The following HMCN1 variants were observed in gnomAD, a reference collection of about 807,000 sequenced individuals.
The protein encoded by HMCN1 is hemicentin 1.
In HMCN1, 321 loss-of-function variants were observed where a neutral mutation model predicts 625.9. That is an observed-to-expected ratio of 0.51 (90% CI 0.47 to 0.56). HMCN1 has a LOEUF of 0.56. Ranked by LOEUF, HMCN1 falls within the 20% of genes least tolerant of loss-of-function variation. The pLI, the probability that HMCN1 is intolerant of heterozygous loss-of-function variation, is 0.00. For synonymous variants in HMCN1, 2,425 were observed against 2,417.6 expected (o/e 1.00, Z -0.09); for missense variants, 6,588 against 6,887.3 (o/e 0.96, Z 1.54).
intron 97 of HMCN1, among the ~76,000 whole-genome samples, chr1:186,157,644 T>C (rs565464929): frequency 1.1e-3 from 164 of 152,266 alleles, no homozygotes; most frequent in African/African-American, 3.9e-3. Flanking sequence ...CCTGTGTCCA[T>C]GTGTTCTCAT....
At position 186,088,250 on chromosome 1, in the gene HMCN1, C is replaced by T; in HGVS notation, c.9551C>T (p.Ala3184Val). 1.2e-6 allele frequency: 2 copies of T among 1,612,800 alleles called. No homozygotes were observed. The highest frequency in any genetic ancestry group is 1.7e-6 in the Non-Finnish European group (2 of 1,179,232). ...ACTGGGATCCCACCTCCCACGATAGCATGGTTAAAGAACCACAAGCGCATA... is the reference window on the plus strand; with the variant it reads ...ACTGGGATCCCACCTCCCACGATAGTATGGTTAAAGAACCACAAGCGCATA... Reference protein sequence around the residue: ...DATGIPPPTIAWLKNHKRIEN... With the variant: ...DATGIPPPTIVWLKNHKRIEN... The change falls in exon 62 of 107, where the codon GCA becomes GTA. Residue 3184 changes from alanine to valine, a missense_variant. Transcript: ENST00000271588.
At chr1:186,025,146 C>T (rs995472362) in intron 36 of HMCN1, among the ~76,000 whole-genome samples, 13 of 152,168 alleles carry the variant, frequency 8.5e-5, no homozygotes, top group African/African-American at 3.1e-4. Flanking sequence ...GCACAGTTCA[C>T]AATAGGGTTC....
At chr1:185,770,954 A>G (rs758358938) in intron 1 of HMCN1, among the ~76,000 whole-genome samples, 6 of 152,126 alleles carry the variant, frequency 3.9e-5, no homozygotes, top group Admixed American at 3.3e-4. Context: ...CTTGGGGCCT[A>G]TCGCAGTTTT....
chr1:186,104,175 G>A (rs996090730), intron 69 of HMCN1, among the ~76,000 whole-genome samples: 3 of 152,094 alleles, frequency 2.0e-5, no homozygotes, highest in Admixed American at 2.0e-4. Flanking sequence ...AGTATGTCTG[G>A]GATGTCTTAT....
chr1:186,181,886 T>C (rs955827386), intron 104 of HMCN1, among the ~76,000 whole-genome samples: 3 of 152,182 alleles, frequency 2.0e-5, no homozygotes, highest in African/African-American at 7.2e-5. Flanking sequence ...CTTACTTAAG[T>C]AATATAAAAA....
Position 185,846,025 on chromosome 1 carries a change from GA to G in HMCN1, c.271del (p.Ile91LeufsTer4). The G allele has an allele frequency of 6.3e-7, 1 of 1,597,856 alleles. No homozygotes were observed. Among genetic ancestry groups the G allele is most frequent in the Non-Finnish European group, 8.6e-7 (1 of 1,165,628 alleles). On this transcript the variant is annotated frameshift_variant and splice_region_variant, in exon 2 of 107. Transcript: ENST00000271588. LOFTEE classifies it high-confidence loss of function. ...NFALVPFHDP[E>X]IGPVTITTDP... ...GACCTATGTTATTTTTATCTTCACAGAAATTGGCCCAGTGACAATTACCACA... is the reference window on the plus strand; with the variant it reads ...GACCTATGTTATTTTTATCTTCACAGAATTGGCCCAGTGACAATTACCACA...
At position 186,119,813 on chromosome 1, in the gene HMCN1, T is replaced by A. The variant is rs755943844; in HGVS notation, c.12025T>A (p.Cys4009Ser). Residue 4009 changes from cysteine (C) to serine (S), a missense_variant, in exon 79 of 107, where the codon TGT (cysteine) becomes AGT (serine). Physicochemically the swap from Cys to Ser is moderately radical, Grantham distance 112. Coordinates refer to ENST00000271588, the MANE Select transcript of HMCN1 (RefSeq NM_031935.3). ...TCTGAACAATCCTATTTTATTACCA[T>A]GTGAAGCAACAGGGACACCCAGTCC... ...VILNNPILLP[C>S]EATGTPSPFI... 6.2e-7 allele frequency: 1 copy of A among 1,614,116 alleles called. No individual in the cohort carries two copies. The highest frequency in any genetic ancestry group is 8.5e-7 in the Non-Finnish European group (1 of 1,179,972).
intron 25 of HMCN1, 43 bp downstream of exon 25, chr1:185,997,567 T>C (rs963487795): frequency 3.7e-6 from 5 of 1,358,416 alleles, no homozygotes; most frequent in African/African-American, 1.4e-5. Context: ...TAATGTTATA[T>C]GGTTTCAGAA....
intron 1 of HMCN1, among the ~76,000 whole-genome samples, chr1:185,841,864 A>G (rs1376644029): frequency 6.6e-6 from 1 of 152,354 alleles, no homozygotes; most frequent in Admixed American, 6.5e-5. Flanking sequence ...GTTTTAGAGT[A>G]TTGTGAATTA....
chr1:186,063,436 G>A (rs930212068), intron 48 of HMCN1, among the ~76,000 whole-genome samples: 3 of 131,644 alleles, frequency 2.3e-5, no homozygotes, highest in African/African-American at 8.6e-5. Context: ...GGGAGGGAGG[G>A]AGGGACGGAG....
Position 186,088,183 on chromosome 1 carries a change from G to A in HMCN1, c.9484G>A (p.Val3162Met). ...SIEGPEREVI[V>M]ETISNPVTLT... Reference sequence around the variant, plus strand: ...TGAAGGACCTGAAAGAGAAGTGATTGTGGAGACGATCAGCAATCCTGTGAC... The same window carrying A: ...TGAAGGACCTGAAAGAGAAGTGATTATGGAGACGATCAGCAATCCTGTGAC... The change falls in exon 62 of 107, where the codon GTG becomes ATG. Residue 3162 changes from valine (V) to methionine (M), a missense_variant. Physicochemically the swap from Val to Met is conservative, Grantham distance 21 (BLOSUM62 1). Around this residue, in one of 3 missense-constraint regions of HMCN1, gnomAD observed 4,628 missense variants for 4,853.1 expected, o/e 0.95. Coordinates refer to ENST00000271588, the MANE Select transcript of HMCN1 (RefSeq NM_031935.3). 1.2e-6 allele frequency: 2 copies of A among 1,612,124 alleles called. No individual in the cohort carries two copies. Among genetic ancestry groups the A allele is most frequent in the South Asian group, 2.2e-5 (2 of 90,968 alleles).
rs150495815 is a variant in HMCN1 at position 185,796,626 on chromosome 1, C to CTGTGTG, written c.269-49376_269-49371dup. Among the ~76,000 whole-genome samples, 846 of 148,776 alleles carry CTGTGTG rather than the reference C, an allele frequency of 5.7e-3. 6 individuals are homozygous for CTGTGTG. Among genetic ancestry groups the CTGTGTG allele is most frequent in the Middle Eastern group, 0.031 (9 of 286 alleles). ...TCTTCTTTTATGGCTGAGTTTGTGT[C>CTGTGTG]TGTGTGTGTGTGTGTGTGTGTGTGT... On this transcript the variant is annotated intron_variant, in intron 1 of 106. Coordinates refer to ENST00000271588, the MANE Select transcript of HMCN1 (RefSeq NM_031935.3).
chr1:185,799,717 T>G (rs1012555457), intron 1 of HMCN1, among the ~76,000 whole-genome samples: 6 of 152,122 alleles, frequency 3.9e-5, no homozygotes, highest in Non-Finnish European at 8.8e-5. Flanking sequence ...CCAAGCACCA[T>G]GCAGTTATGC....
chr1:185,950,538 A>G (rs1307739869), intron 11 of HMCN1, among the ~76,000 whole-genome samples: 1 of 151,810 alleles, frequency 6.6e-6, no homozygotes, highest in Non-Finnish European at 1.5e-5. Flanking sequence ...CTTGGGTTTG[A>G]GAGATCAGTC....
chr1:185,777,938 C>T (rs562651265), intron 1 of HMCN1, among the ~76,000 whole-genome samples: 2 of 152,170 alleles, frequency 1.3e-5, no homozygotes, highest in East Asian at 1.9e-4. Flanking sequence ...ATTATGGTTA[C>T]GGGGGAGAGC....
chr1:186,099,018 G>A (rs1660270386), intron 68 of HMCN1, among the ~76,000 whole-genome samples: 2 of 152,140 alleles, frequency 1.3e-5, no homozygotes, highest in South Asian at 4.1e-4. Flanking sequence ...CAAAGACAAG[G>A]GAGACAGGGG....
At chr1:186,026,159 T>C (rs553753083) in intron 36 of HMCN1, among the ~76,000 whole-genome samples, 40 of 152,326 alleles carry the variant, frequency 2.6e-4, no homozygotes, top group South Asian at 8.3e-4. Flanking sequence ...AATACTTGCA[T>C]TTATAACTTT....
chr1:185,802,383 G>T (rs1336226525), intron 1 of HMCN1, among the ~76,000 whole-genome samples: 3 of 151,028 alleles, frequency 2.0e-5, no homozygotes, highest in African/African-American at 7.4e-5. Flanking sequence ...TTCTGCGAAA[G>T]TTGCCTTAGA....
chr1:186,022,965 C>T, intron 35 of HMCN1, 65 bp from the exon 36 acceptor site: 2 of 1,465,048 alleles, frequency 1.4e-6, no homozygotes, highest in Non-Finnish European at 1.9e-6. Context: ...TTTTCTGTCT[C>T]AGTGAATATT....
Sources: allele counts gnomAD v4.1 joint callset (sites outside exome capture counted in the v4.1 genomes callset), GRCh38; gene constraint gnomAD v4.1.1; regional missense constraint gnomAD v4.1.1; transcripts MANE v1.5; gene names NCBI Gene and HGNC (gene_info 2026-07-23, HGNC 2026-07-21).